Variants in IGSF11 observed in about 807,000 individuals in gnomAD.
IGSF11 encodes CXADR like 1.
IGSF11 carries 22 observed loss-of-function variants against 41.0 expected under a neutral mutation model. That is an observed-to-expected ratio of 0.54 (90% CI 0.38 to 0.77). IGSF11 has a LOEUF of 0.77. IGSF11 is among the 30% of genes least tolerant of loss of function. The pLI, the probability that IGSF11 is intolerant of heterozygous loss-of-function variation, is 0.00. For missense variants in IGSF11, 444 were observed against 530.8 expected, an observed-to-expected ratio of 0.84 and a Z score of 1.61; for synonymous variants, 219 against 201.3, an observed-to-expected ratio of 1.09 and a Z score of -0.74.
At chr3:118,942,252 T>C (rs1943753862) in intron 1 of IGSF11, among the ~76,000 whole-genome samples, 1 of 152,192 alleles carries the variant, frequency 6.6e-6, no homozygotes. Context: ...TCCATAACTA[T>C]ACTGTAAAAC....
chr3:119,047,331 G>A (rs530102527), intron 1 of IGSF11, among the ~76,000 whole-genome samples: 1 of 152,054 alleles, frequency 6.6e-6, no homozygotes. Context: ...AACTAAAAAA[G>A]GCAGGAGTTG....
At chr3:119,125,099 C>T (rs1350386031) in intron 1 of IGSF11, among the ~76,000 whole-genome samples, 1 of 152,090 alleles carries the variant, frequency 6.6e-6, no homozygotes, top group Non-Finnish European at 1.5e-5. Context: ...AAAGACTTTC[C>T]CCGACAAACA....
intron 1 of IGSF11, among the ~76,000 whole-genome samples, chr3:118,995,884 G>T (rs113909794): frequency 6.6e-6 from 1 of 152,050 alleles, no homozygotes; most frequent in Non-Finnish European, 1.5e-5. Context: ...ATCTGACCTC[G>T]TGATCCGCCC....
intron 4 of IGSF11, among the ~76,000 whole-genome samples, chr3:118,920,474 A>G (rs1227222760): frequency 6.6e-6 from 1 of 152,132 alleles, no homozygotes; most frequent in Admixed American, 6.6e-5. Context: ...ATCCAGATAT[A>G]TGTTGTTTAT....
chr3:118,952,530 C>T (rs979784510), intron 1 of IGSF11, among the ~76,000 whole-genome samples: 1 of 152,150 alleles, frequency 6.6e-6, no homozygotes, highest in Non-Finnish European at 1.5e-5. Context: ...ATTTTCTTTG[C>T]TCATCCAGAA....
intron 1 of IGSF11, among the ~76,000 whole-genome samples, chr3:119,001,077 GCTGT>G (rs1936779489): frequency 6.6e-6 from 1 of 151,920 alleles, no homozygotes; most frequent in African/African-American, 2.4e-5. Flanking sequence ...CTTTGTACTG[GCTGT>G]CTCTCTGTCT....
In IGSF11 at chr3:119,132,339, A is replaced by G. The variant is rs570085741; in HGVS notation, c.-14+13474T>C. Among the ~76,000 whole-genome samples the G allele has an allele frequency of 2.1e-5, 3 of 144,936 alleles. No individual in the cohort carries two copies. In the Admixed American group the frequency reaches 2.1e-4, roughly 10 times the overall value. ...ATGCAGAGACACATATAGGCTCAAA[A>G]TAAAGGGATGGAGGAAGGTCTACCA... On this transcript the variant is annotated intron_variant, in intron 1 of 7. Transcript: ENST00000425327.
At chr3:118,995,208 A>G (rs539831764) in intron 1 of IGSF11, among the ~76,000 whole-genome samples, 6 of 152,204 alleles carry the variant, frequency 3.9e-5, no homozygotes, top group African/African-American at 1.4e-4. Context: ...GATTCACTAG[A>G]ACAAGGGTTC....
intron 1 of IGSF11, among the ~76,000 whole-genome samples, chr3:119,111,062 A>G (rs1241972590): frequency 3.0e-4 from 45 of 151,674 alleles, no homozygotes; most frequent in Non-Finnish European, 3.7e-4. Context: ...TCTGACAATT[A>G]TGTGTCTTGG....
chr3:118,904,568 A>C, intron 6 of IGSF11, 80 bp downstream of exon 6: 8 of 984,772 alleles, frequency 8.1e-6, no homozygotes, highest in Non-Finnish European at 1.1e-5. Context: ...TATGATTAGT[A>C]GATATATCTT....
intron 1 of IGSF11, among the ~76,000 whole-genome samples, chr3:118,968,055 T>A (rs1175677662): frequency 1.3e-5 from 2 of 152,214 alleles, no homozygotes; most frequent in Non-Finnish European, 2.9e-5. Flanking sequence ...TAGGGTACTG[T>A]AAAGCTCAAA....
chr3:119,123,541 C>A (rs189081980), intron 1 of IGSF11, among the ~76,000 whole-genome samples: 1 of 152,308 alleles, frequency 6.6e-6, no homozygotes, highest in East Asian at 1.9e-4. Context: ...TTACAGCAAG[C>A]CTTGGGCAAG....
intron 6 of IGSF11, among the ~76,000 whole-genome samples, chr3:118,903,559 C>A (rs894548656): frequency 1.3e-5 from 2 of 152,120 alleles, no homozygotes; most frequent in African/African-American, 4.8e-5. Flanking sequence ...CTGTGGGGTG[C>A]TGATGAGAGG....
chr3:118,963,690 ATACT>A (rs1301991252), intron 1 of IGSF11, among the ~76,000 whole-genome samples: 1 of 152,212 alleles, frequency 6.6e-6, no homozygotes, highest in East Asian at 1.9e-4. Flanking sequence ...GTATTCAGAA[ATACT>A]TAGTTATTGT....
At chr3:119,017,611 T>A (rs941911465) in intron 1 of IGSF11, among the ~76,000 whole-genome samples, 1 of 152,122 alleles carries the variant, frequency 6.6e-6, no homozygotes, top group Non-Finnish European at 1.5e-5. Flanking sequence ...ATCTTTCTGA[T>A]CATTTTTCTT....
At chr3:119,083,041 A>G (rs924714555) in intron 1 of IGSF11, among the ~76,000 whole-genome samples, 2 of 152,170 alleles carry the variant, frequency 1.3e-5, no homozygotes, top group African/African-American at 2.4e-5. Context: ...GTATAGCACC[A>G]TAAGCTGTGG....
At chr3:119,129,252 G>A (rs900918898) in intron 1 of IGSF11, among the ~76,000 whole-genome samples, 37 of 152,124 alleles carry the variant, frequency 2.4e-4, no homozygotes, top group South Asian at 8.3e-4. Context: ...AAACCAGCCC[G>A]TTCTGCATAC....
chr3:119,105,172 C>A (rs2077002032), exon 1 of IGSF11: 1 of 1,609,162 alleles, frequency 6.2e-7, no homozygotes, highest in East Asian at 2.2e-5. Flanking sequence ...TCCACCAGAG[C>A]AAAAGTTCCA....
chr3:119,122,150 GA>G (rs2077341771), intron 1 of IGSF11, among the ~76,000 whole-genome samples: 1 of 152,220 alleles, frequency 6.6e-6, no homozygotes, highest in South Asian at 2.1e-4. Flanking sequence ...AAGAGGCACT[GA>G]AAAGGGCAGG....
Sources: gnomAD v4.1 joint callset for allele counts (sites outside exome capture counted in the v4.1 genomes callset) on GRCh38, gnomAD v4.1.1 for gene constraint, MANE v1.5 for transcripts, NCBI Gene and HGNC (gene_info 2026-07-23, HGNC 2026-07-21) for gene names.